Variants in NEDD1 observed in about 807,000 individuals in gnomAD.
NEDD1 encodes the protein protein NEDD1.
Under a neutral mutation model 74.0 loss-of-function variants are expected in NEDD1, and 33 were observed. The ratio of observed to expected loss-of-function variants is 0.45; its 90% CI spans 0.34 to 0.60. The LOEUF (loss-of-function observed/expected upper bound fraction) is 0.60. Ranked by LOEUF, NEDD1 falls within the 20% of genes least tolerant of loss-of-function variation. The pLI is 0.01. For missense variants in NEDD1, 746 were observed against 776.5 expected (o/e 0.96, Z 0.47); for synonymous variants, 250 against 264.4 (o/e 0.95, Z 0.53).
At chr12:96,935,834 C>A (rs1345808865) in intron 7 of NEDD1, among the ~76,000 whole-genome samples, 2 of 152,016 alleles carry the variant, frequency 1.3e-5, no homozygotes, top group African/African-American at 4.8e-5. Context: ...AAAACAAAAA[C>A]AAAAACAAAA....
intron 14 of NEDD1, among the ~76,000 whole-genome samples, chr12:96,950,262 A>C (rs566962632): frequency 7.2e-5 from 11 of 152,116 alleles, no homozygotes; most frequent in African/African-American, 2.6e-4. Flanking sequence ...AAAATATAAA[A>C]AATCTGGTAA....
At chr12:96,939,879 A>G (rs1877490842) in intron 9 of NEDD1, among the ~76,000 whole-genome samples, 2 of 152,048 alleles carry the variant, frequency 1.3e-5, no homozygotes, top group Admixed American at 6.6e-5. Flanking sequence ...GCTGAGGGCA[A>G]TGTTAAGCTC....
At chr12:96,912,630 T>C (rs931028288) in intron 3 of NEDD1, 93 bp from the exon 4 acceptor site, 2 of 668,952 alleles carry the variant, frequency 3.0e-6, no homozygotes, top group African/African-American at 3.6e-5. Context: ...GCTTGTCTTC[T>C]TAGTGTGTTA....
rs118008596 is a variant in NEDD1 at position 96,935,935 on chromosome 12, C to T, written c.720-676C>T. On this transcript the variant is annotated intron_variant, in intron 7 of 15. Transcript: ENST00000266742. ...AATGTTACTACAAGGGAAGGTCCCA[C>T]TGTCAGCCTTTATTATGATGCTAGA... is the stretch of plus-strand genomic sequence containing the variant. Among the ~76,000 whole-genome samples the T allele has an allele frequency of 3.9e-3, 594 of 152,316 alleles. 4 individuals are homozygous for T. Among genetic ancestry groups the T allele is most frequent in the Non-Finnish European group, 6.1e-3 (418 of 68,028 alleles).
intron 6 of NEDD1, among the ~76,000 whole-genome samples, chr12:96,930,785 T>C (rs1565799660): frequency 1.3e-5 from 2 of 152,102 alleles, no homozygotes; most frequent in South Asian, 2.1e-4. Context: ...TTTTTAAAGA[T>C]AGACAGTCTC....
intron 4 of NEDD1, among the ~76,000 whole-genome samples, chr12:96,913,735 T>C (rs898086046): frequency 1.3e-4 from 19 of 151,132 alleles, no homozygotes; most frequent in African/African-American, 4.3e-4. Flanking sequence ...TCATTTCTAG[T>C]CACACACTCT....
At chr12:96,942,031 T>C (rs970309362) in intron 10 of NEDD1, among the ~76,000 whole-genome samples, 5 of 152,148 alleles carry the variant, frequency 3.3e-5, no homozygotes, top group African/African-American at 9.6e-5. Flanking sequence ...TTTACAATTT[T>C]TGTTATGGAC....
intron 6 of NEDD1, among the ~76,000 whole-genome samples, chr12:96,926,764 A>G (rs1048981565): frequency 4.6e-5 from 7 of 152,124 alleles, no homozygotes; most frequent in African/African-American, 1.7e-4. Flanking sequence ...AGGCCAAGGC[A>G]GGCAGATCAC....
At chr12:96,907,546 C>T in intron 1 of NEDD1, 58 bp from the exon 2 acceptor site, 1 of 1,482,032 alleles carries the variant, frequency 6.7e-7, no homozygotes, top group East Asian at 2.5e-5. Context: ...AAAAGTTTGC[C>T]TCGTCTCCAC....
intron 11 of NEDD1, 23 bp from the exon 12 acceptor site, chr12:96,943,537 C>T (rs753516112): frequency 3.8e-6 from 6 of 1,562,520 alleles, no homozygotes; most frequent in South Asian, 1.1e-5. Flanking sequence ...ACCATATGCA[C>T]ATGCAGTTTT....
At chr12:96,934,513 T>A (rs907378842) in intron 6 of NEDD1, among the ~76,000 whole-genome samples, 1 of 151,638 alleles carries the variant, frequency 6.6e-6, no homozygotes, top group Non-Finnish European at 1.5e-5. Flanking sequence ...TTTTTTTTTT[T>A]AAGACAGAGT....
chr12:96,920,656 T>A (rs112959763), intron 6 of NEDD1, among the ~76,000 whole-genome samples: 3 of 152,160 alleles, frequency 2.0e-5, no homozygotes, highest in African/African-American at 4.8e-5. Flanking sequence ...ATAAGTCAAT[T>A]TTTTTCCTCT....
At chr12:96,917,372 G>A (rs937515714) in intron 4 of NEDD1, among the ~76,000 whole-genome samples, 4 of 152,100 alleles carry the variant, frequency 2.6e-5, no homozygotes, top group Admixed American at 6.5e-5. Context: ...TTCCTGTGTC[G>A]TCACCGGTCC....
At chr12:96,911,443 T>C (rs914587194) in intron 3 of NEDD1, among the ~76,000 whole-genome samples, 5 of 152,194 alleles carry the variant, frequency 3.3e-5, no homozygotes, top group Admixed American at 2.0e-4. Flanking sequence ...GTCTTATTCT[T>C]AATAAGGCTT....
At position 96,953,512 on chromosome 12, in the gene NEDD1, G is replaced by A. The variant is rs1878884570; in HGVS notation, c.*1459G>A. 1.3e-5 allele frequency: 2 copies of A among 151,088 alleles called. No individual in the cohort carries two copies. Among genetic ancestry groups the A allele is most frequent in the African/African-American group, 4.9e-5 (2 of 40,882 alleles). The allele number at this position is 151,088 out of a possible 1,614,324, so 9.4% of individuals were successfully genotyped here. A position where few individuals can be genotyped will look rare whatever the true frequency, so the allele number is the denominator to read the frequency against. ...AATATTAGTGTGTTTTGCCTACATG[G>A]TGTATTTAAATCTATTAATATTTTC... On this transcript the variant is annotated 3_prime_UTR_variant, in exon 16 of 16. Coordinates refer to ENST00000266742, the MANE Select transcript of NEDD1 (RefSeq NM_152905.4).
intron 10 of NEDD1, among the ~76,000 whole-genome samples, chr12:96,942,096 A>G (rs1877718949): frequency 6.6e-6 from 1 of 152,200 alleles, no homozygotes; most frequent in African/African-American, 2.4e-5. Flanking sequence ...TACCATGGAA[A>G]TAAACACTAA....
rs772999141 is a variant in NEDD1, at chr12:96,944,720, A to G, written c.1579A>G (p.Lys527Glu). 6 of 1,600,380 alleles carry G rather than the reference A, an allele frequency of 3.7e-6. No homozygotes were observed. The South Asian group carries it at 6.8e-5, about 18-fold the overall frequency. ...ATCTAACCAAACAAGAAATTCTGAGAAATTTGAAAAGCCAGAGAATGAAAT... is the reference window on the plus strand; with the variant it reads ...ATCTAACCAAACAAGAAATTCTGAGGAATTTGAAAAGCCAGAGAATGAAAT... ...PSSNQTRNSEKFEKPENEIEA... is the reference protein window; with the variant it reads ...PSSNQTRNSEEFEKPENEIEA... Residue 527 changes from lysine (K) to glutamate (E), a missense_variant, in exon 13 of 16, where the codon AAA becomes GAA. Lys to Glu is a moderately conservative substitution (Grantham distance 56). Coordinates refer to ENST00000266742, the MANE Select transcript of NEDD1 (RefSeq NM_152905.4).
chr12:96,924,719 G>A (rs150147171), intron 6 of NEDD1: 45 of 325,348 alleles, frequency 1.4e-4, no homozygotes, highest in African/African-American at 8.9e-4. Flanking sequence ...GAAAGAATTT[G>A]TAGTATTTAC....
At position 96,912,749 on chromosome 12, in the gene NEDD1, A is replaced by G. The variant is rs779894560; in HGVS notation, c.163A>G (p.Ser55Gly). The G allele has an allele frequency of 6.2e-7, 1 of 1,604,654 alleles. No homozygotes were observed. Among genetic ancestry groups the G allele is most frequent in the East Asian group, 2.2e-5 (1 of 44,764 alleles). The change falls in exon 4 of 16, where the codon AGT becomes GGT. Residue 55 changes from serine (S) to glycine (G), a missense_variant. Around this residue, in one of 3 missense-constraint regions of NEDD1, gnomAD observed 706 missense variants for 706.7 expected, o/e 1.00. Transcript: ENST00000266742. ...TAACTTTTTAGTAACAGCATCTTCC[A>G]GTGGCGACAAAATAGTTGTCTCAAG... ...NNNFLVTASS[S>G]GDKIVVSSCK...
Sources: gnomAD v4.1 joint callset for allele counts (sites outside exome capture counted in the v4.1 genomes callset) on GRCh38, gnomAD v4.1.1 for gene constraint, gnomAD v4.1.1 regional missense constraint, MANE v1.5 for transcripts, NCBI Gene and HGNC (gene_info 2026-07-23, HGNC 2026-07-21) for gene names.